Variants in PASK observed in about 807,000 individuals in gnomAD.
The protein encoded by PASK is PAS domain containing serine/threonine kinase.
In PASK, 110 loss-of-function variants were observed where a neutral mutation model predicts 121.0. The observed-to-expected ratio is 0.91, with a 90% CI of 0.78 to 1.06. PASK has a LOEUF of 1.06. PASK is among the 50% of genes least tolerant of loss of function. The pLI is 0.00. For missense variants in PASK, 1,643 were observed against 1,702.3 expected, an observed-to-expected ratio of 0.97 and a Z score of 0.61; for synonymous variants, 686 against 717.8, an observed-to-expected ratio of 0.96 and a Z score of 0.71.
Position 241,122,710 on chromosome 2 carries a change from TCC to T in PASK, c.3072+20_3072+21del, listed in dbSNP as rs200267396. The T allele has an allele frequency of 2.0e-5, 32 of 1,587,834 alleles. No individual in the cohort carries two copies. In the African/African-American group the frequency reaches 3.7e-4, roughly 18 times the overall value. ...CATGTGAAGTGGTGCCCGGCGCCAC[TCC>T]CCCCCCACAGCCAGGTTACCTCCTT... On this transcript the variant is annotated intron_variant, in intron 12 of 17. Transcript: ENST00000234040.
rs533976707 is a variant in PASK at position 241,138,336 on chromosome 2, C to T, written c.742-249G>A. 1.9e-4 allele frequency among the ~76,000 whole-genome samples: 29 copies of T among 152,352 alleles called. No homozygotes were observed. In the South Asian group the frequency reaches 6.0e-3, roughly 32 times the overall value. On this transcript the variant is annotated intron_variant, in intron 5 of 17. Transcript: ENST00000234040. ...CCACACCACAGCTCATTAATAACAT[C>T]CCAGTTCACATATGAGGGCTGTCTC... is the stretch of plus-strand genomic sequence containing the variant.
At chr2:241,107,174 G>A (rs774691293) in intron 17 of PASK, among the ~76,000 whole-genome samples, 179 bp downstream of exon 17, 3 of 152,134 alleles carry the variant, frequency 2.0e-5, no homozygotes, top group Admixed American at 6.5e-5. Context: ...CAGAGGCCTC[G>A]GGACAGAATC....
upstream of PASK, chr2:241,150,050 C>T: frequency 7.3e-7 from 1 of 1,364,814 alleles, no homozygotes; most frequent in Non-Finnish European, 9.4e-7. Flanking sequence ...TCGCAGAGGT[C>T]AGGGATGCAC....
chr2:241,127,242 C>A lies in PASK; in HGVS notation c.1673G>T (p.Gly558Val). The part of the protein sequence containing the change: ...DSEAPVPAED[G>V]GSDAGMCGLC... ...GCCACACATGCCAGCATCACTGCCCCCATCCTCAGCTGGGACTGGAGCTTC... is the reference window on the plus strand; with the variant it reads ...GCCACACATGCCAGCATCACTGCCCACATCCTCAGCTGGGACTGGAGCTTC... Residue 558 changes from glycine (G) to valine (V), a missense_variant, in exon 10 of 18, where the codon GGG becomes GTG. Physicochemically the swap from Gly to Val is moderately radical, Grantham distance 109. This residue lies in a region of PASK where 1,176 missense variants were observed against 1,162.2 expected (regional missense o/e 1.01). Transcript: ENST00000234040. The A allele has an allele frequency of 6.2e-7, 1 of 1,614,254 alleles. No individual in the cohort carries two copies. The highest frequency in any genetic ancestry group is 8.5e-7 in the Non-Finnish European group (1 of 1,180,046).
intron 9 of PASK, among the ~76,000 whole-genome samples, chr2:241,129,446 C>T (rs966259990): frequency 8.5e-5 from 13 of 152,310 alleles, no homozygotes; most frequent in African/African-American, 2.4e-4. Context: ...GAGGGCTTCA[C>T]GGGCATCCAC....
intron 16 of PASK, 85 bp from the exon 17 acceptor site, chr2:241,107,584 C>A: frequency 1.5e-6 from 2 of 1,346,312 alleles, no homozygotes; most frequent in South Asian, 1.2e-5. Context: ...CACCACCCCC[C>A]CGCAGAGCCT....
intron 10 of PASK, among the ~76,000 whole-genome samples, chr2:241,125,353 C>G (rs2065804254): frequency 6.6e-6 from 1 of 151,204 alleles, no homozygotes. Flanking sequence ...GTAATCCCAG[C>G]ATTTTGGGAA....
chr2:241,126,365 C>T lies in PASK; in HGVS notation c.2550G>A (p.Thr850=), dbSNP rs764571398. The change falls in exon 10 of 18, where the codon ACG becomes ACA. Residue 850 remains threonine (T), a synonymous_variant. Transcript: ENST00000234040. ...ACGTGTCCTCAGGGCCAGCATCCAACGTGGAAGGAACGTGTCCTGGGCTTT... is the reference window on the plus strand; with the variant it reads ...ACGTGTCCTCAGGGCCAGCATCCAATGTGGAAGGAACGTGTCCTGGGCTTT... ...DRESPGHVPS[T]LDAGPEDTCP... 5 of 1,614,248 alleles carry T rather than the reference C, an allele frequency of 3.1e-6. No homozygotes were observed. In the South Asian group the frequency reaches 3.3e-5, roughly 11 times the overall value.
intron 6 of PASK, 86 bp from the exon 7 acceptor site, chr2:241,137,350 C>T: frequency 9.2e-7 from 1 of 1,083,482 alleles, no homozygotes. Context: ...CCGACTTCTA[C>T]CCCACGTCAT....
intron 2 of PASK, among the ~76,000 whole-genome samples, chr2:241,141,587 C>T (rs553288381): frequency 1.5e-4 from 23 of 152,226 alleles, no homozygotes; most frequent in Middle Eastern, 3.4e-3. Context: ...ACCCATTCCT[C>T]GGTAGCTTTA....
chr2:241,137,630 C>T (rs1223915747), intron 6 of PASK, among the ~76,000 whole-genome samples: 1 of 152,196 alleles, frequency 6.6e-6, no homozygotes, highest in Non-Finnish European at 1.5e-5. Context: ...CACCAGGATA[C>T]TGGCCCCACA....
In PASK at chr2:241,140,526, T is replaced by C. The variant is rs767116928; in HGVS notation, c.424A>G (p.Thr142Ala). Residue 142 changes from threonine to alanine, a missense_variant, in exon 3 of 18, where the codon ACA becomes GCA. By Grantham distance (58) the Thr-to-Ala change is moderately conservative. Transcript: ENST00000234040. ...KAIFTVDAKT[T>A]EILVANDKAC... ...TCTAAAAGAGAAGCAAATACCTCTG[T>C]GGTCTTGGCATCCACCGTGAAGATG... The C allele has an allele frequency of 6.2e-7, 1 of 1,601,522 alleles. No homozygotes were observed. The highest frequency in any genetic ancestry group is 8.6e-7 in the Non-Finnish European group (1 of 1,169,492).
Position 241,108,694 on chromosome 2 carries a change from C to T in PASK, c.3534-394G>A, listed in dbSNP as rs533011705. ...AGAACAGGGTCACGTGCCCTTCAGACGTGATCAGGCATGTTCACGATCTTG... is the reference window on the plus strand; with the variant it reads ...AGAACAGGGTCACGTGCCCTTCAGATGTGATCAGGCATGTTCACGATCTTG... On this transcript the variant is annotated intron_variant, in intron 15 of 17. Transcript: ENST00000234040. The surrounding 1 kb of genome is among the most constrained non-coding windows in gnomAD (Gnocchi z 5.2). The T allele has an allele frequency of 6.4e-5, 23 of 359,230 alleles. No individual in the cohort carries two copies. The highest frequency in any genetic ancestry group is 2.9e-4 in the East Asian group (4 of 13,838). The allele number at this position is 359,230 out of a possible 1,614,324, so 22.3% of individuals were successfully genotyped here. A position where few individuals can be genotyped will look rare whatever the true frequency, so the allele number is the denominator to read the frequency against.
intron 7 of PASK, 79 bp from the exon 8 acceptor site, chr2:241,136,118 G>T: frequency 7.9e-7 from 1 of 1,263,842 alleles, no homozygotes; most frequent in Non-Finnish European, 1.2e-6. Flanking sequence ...GGGGAGGAAT[G>T]AACACAAGGA....
intron 9 of PASK, among the ~76,000 whole-genome samples, chr2:241,132,370 A>G (rs1271434777): frequency 2.0e-5 from 3 of 150,806 alleles, no homozygotes; most frequent in Admixed American, 2.0e-4. Flanking sequence ...CAAAAAAGTA[A>G]CCGGGCGTGG....
At chr2:241,114,923 A>C (rs1274097984) in intron 14 of PASK, 120 bp downstream of exon 14, 2 of 1,579,558 alleles carry the variant, frequency 1.3e-6, no homozygotes, top group Non-Finnish European at 1.7e-6. Context: ...TGAAATCCCC[A>C]CACAGAAGGC....
In PASK at chr2:241,122,634, G is replaced by A. The variant is rs1008465316; in HGVS notation, c.3072+98C>T. 1.2e-5 allele frequency: 13 copies of A among 1,123,178 alleles called. No homozygotes were observed. In the African/African-American group the frequency reaches 1.7e-4, roughly 15 times the overall value. The allele number at this position is 1,123,178 out of a possible 1,614,324, so 69.6% of individuals were successfully genotyped here. A position where few individuals can be genotyped will look rare whatever the true frequency, so the allele number is the denominator to read the frequency against. On this transcript the variant is annotated intron_variant, in intron 12 of 17. Transcript: ENST00000234040. ...TTGTGTGCTTGGTGCCATACCTAGA[G>A]GACTCCTCCAAAAACCCCAGGTTTG...
At chr2:241,135,665 C>T (rs2125444922) in intron 8 of PASK, among the ~76,000 whole-genome samples, 1 of 152,052 alleles carries the variant, frequency 6.6e-6, no homozygotes, top group Middle Eastern at 3.4e-3. Flanking sequence ...CTTCTCTATG[C>T]TCATATGTTT....
intron 10 of PASK, among the ~76,000 whole-genome samples, chr2:241,125,656 A>T (rs2125426007): frequency 6.6e-6 from 1 of 152,168 alleles, no homozygotes; most frequent in Non-Finnish European, 1.5e-5. Flanking sequence ...AGTAAAACAG[A>T]ATCAATCTCA....
Sources: gnomAD v4.1 joint callset for allele counts (sites outside exome capture counted in the v4.1 genomes callset) on GRCh38, gnomAD v4.1.1 for gene constraint, gnomAD v4.1.1 regional missense constraint, Gnocchi (gnomAD v3.1) non-coding constraint, MANE v1.5 for transcripts, NCBI Gene and HGNC (gene_info 2026-07-23, HGNC 2026-07-21) for gene names.